Variants in SDK1 observed in about 807,000 individuals in gnomAD.
SDK1 encodes the protein protein sidekick-1.
SDK1 carries 157 observed loss-of-function variants against 245.5 expected under a neutral mutation model. That is an observed-to-expected ratio of 0.64 (90% CI 0.56 to 0.73). SDK1 has a LOEUF of 0.73. SDK1 is among the 30% of genes least tolerant of loss of function. The probability of loss-of-function intolerance (pLI) is 0.00; values close to 1 mark genes in which losing one functional copy is unlikely to be tolerated. For synonymous variants in SDK1, 1,647 were observed against 1,278.5 expected, an observed-to-expected ratio of 1.29 and a Z score of -6.15; for missense variants, 3,583 against 3,002.3, an observed-to-expected ratio of 1.19 and a Z score of -4.52.
chr7:3,302,543 G>A (rs998911997), intron 1 of SDK1: 2 of 151,932 alleles, frequency 1.3e-5, no homozygotes, highest in Admixed American at 1.3e-4. Context: ...GAATGGAAAT[G>A]ACCTTTTGAA....
intron 1 of SDK1, among the ~76,000 whole-genome samples, chr7:3,596,660 A>C (rs1781077707): frequency 6.6e-6 from 1 of 152,172 alleles, no homozygotes; most frequent in Non-Finnish European, 1.5e-5. Flanking sequence ...TCAAATAGAT[A>C]AATATTACCT....
At chr7:4,217,396 C>G (rs547966461) in intron 38 of SDK1, among the ~76,000 whole-genome samples, 2 of 141,770 alleles carry the variant, frequency 1.4e-5, no homozygotes, top group Non-Finnish European at 3.0e-5. Context: ...GAGCACCACA[C>G]CACCCGGAGC....
At position 4,264,534 on chromosome 7, in the gene SDK1, G is replaced by A. The variant is rs577149728; in HGVS notation, c.6382-590G>A. Reference sequence around the variant, plus strand: ...GGACCTCTCCTGAGTGAGGGAGGCCGCGTGGACCTCTCCTGAGTGAGGGAG... The same window carrying A: ...GGACCTCTCCTGAGTGAGGGAGGCCACGTGGACCTCTCCTGAGTGAGGGAG... On this transcript the variant is annotated intron_variant, in intron 44 of 44. Coordinates refer to ENST00000404826, the MANE Select transcript of SDK1 (RefSeq NM_152744.4). Among the ~76,000 whole-genome samples, 6 of 131,072 alleles carry A rather than the reference G, an allele frequency of 4.6e-5. No individual in the cohort carries two copies. In the South Asian group the frequency reaches 1.4e-3, roughly 30 times the overall value. The allele number at this position is 131,072 out of a possible 152,430, so 86.0% of individuals were successfully genotyped here.
intron 1 of SDK1, among the ~76,000 whole-genome samples, chr7:3,530,181 G>A (rs987817114): frequency 6.6e-6 from 1 of 152,106 alleles, no homozygotes. Context: ...AAATAGCAGT[G>A]AGTTTATTTG....
intron 2 of SDK1, among the ~76,000 whole-genome samples, chr7:3,633,973 C>T (rs945326964): frequency 6.6e-6 from 1 of 152,192 alleles, no homozygotes; most frequent in East Asian, 1.9e-4. Flanking sequence ...TGGACTAGGG[C>T]TCCACTGTGC....
intron 4 of SDK1, among the ~76,000 whole-genome samples, chr7:3,818,744 A>T (rs1047891741): frequency 6.6e-6 from 1 of 152,192 alleles, no homozygotes; most frequent in African/African-American, 2.4e-5. Flanking sequence ...GCTCTATGAG[A>T]TAATGAAGGA....
In SDK1 at chr7:4,124,778, T is replaced by C. The variant is rs139023493; in HGVS notation, c.3824-2603T>C. Reference sequence around the variant, plus strand: ...CAGACTAACTAACAGTGCTACCCTCTCAGTCTCTGTGTAATGAGGAAGTCT... The same window carrying C: ...CAGACTAACTAACAGTGCTACCCTCCCAGTCTCTGTGTAATGAGGAAGTCT... On this transcript the variant is annotated intron_variant, in intron 25 of 44. Transcript: ENST00000404826. 8.5e-5 allele frequency among the ~76,000 whole-genome samples: 13 copies of C among 152,336 alleles called. No homozygotes were observed. The East Asian group carries it at 2.3e-3, about 27-fold the overall frequency.
intron 1 of SDK1, among the ~76,000 whole-genome samples, chr7:3,361,706 G>T (rs575124368): frequency 6.6e-6 from 1 of 152,230 alleles, no homozygotes; most frequent in East Asian, 1.9e-4. Flanking sequence ...AATCACCTTT[G>T]GTCACACGAA....
At chr7:3,339,139 C>A (rs1274462016) in intron 1 of SDK1, among the ~76,000 whole-genome samples, 2 of 151,724 alleles carry the variant, frequency 1.3e-5, no homozygotes, top group Non-Finnish European at 2.9e-5. Flanking sequence ...TGAATTTAAA[C>A]AAGAGTGGCC....
In SDK1 at chr7:4,026,896, C is replaced by T. The variant is rs1787395374; in HGVS notation, c.2602+9544C>T. Among the ~76,000 whole-genome samples the T allele has an allele frequency of 2.0e-5, 3 of 152,220 alleles. No homozygotes were observed. The highest frequency in any genetic ancestry group is 4.8e-5 in the African/African-American group (2 of 41,458). ...TACCAGGTAACGAACTCACCGCTCC[C>T]TGGTTTCAAAGGCGTATACATTTAA... On this transcript the variant is annotated intron_variant, in intron 17 of 44. Coordinates refer to ENST00000404826, the MANE Select transcript of SDK1 (RefSeq NM_152744.4). This position sits in a 1 kb window ranked among gnomAD's most constrained non-coding sequence, Gnocchi z 4.1.
intron 1 of SDK1, among the ~76,000 whole-genome samples, chr7:3,562,828 A>G (rs1371019343): frequency 6.8e-6 from 1 of 147,580 alleles, no homozygotes; most frequent in African/African-American, 2.5e-5. Flanking sequence ...AGACCTTATA[A>G]AAGTTTCTAT....
In SDK1 at chr7:3,346,811, A is replaced by G. The variant is rs56245556; in HGVS notation, c.298+44927A>G. 6.5e-3 allele frequency among the ~76,000 whole-genome samples: 284 copies of G among 43,478 alleles called. 4 individuals carry two copies. The highest frequency in any genetic ancestry group is 0.023 in the South Asian group (23 of 1,020). 28.5% of individuals were successfully genotyped at this position (43,478 alleles called of 152,430 possible). A position where few individuals can be genotyped will look rare whatever the true frequency, so the allele number is the denominator to read the frequency against. On this transcript the variant is annotated intron_variant, in intron 1 of 44. Transcript: ENST00000404826. The stretch of plus-strand genomic sequence containing the variant: ...TATGTATGTGTGTGTGTGTGTGTAT[A>G]TATATATATATATATATTTTTTTTT...
chr7:3,644,773 C>CAAAAAAAA lies in SDK1; in HGVS notation c.713+2680_713+2687dup, dbSNP rs34276127. Among the ~76,000 whole-genome samples, 122 of 39,980 alleles carry CAAAAAAAA rather than the reference C, an allele frequency of 3.1e-3. 7 individuals carry two copies. Among genetic ancestry groups the CAAAAAAAA allele is most frequent in the East Asian group, 0.013 (19 of 1,432 alleles). 26.2% of individuals were successfully genotyped at this position (39,980 alleles called of 152,430 possible). A position where few individuals can be genotyped will look rare whatever the true frequency, so the allele number is the denominator to read the frequency against. On this transcript the variant is annotated intron_variant, in intron 4 of 44. Coordinates refer to ENST00000404826, the MANE Select transcript of SDK1 (RefSeq NM_152744.4). ...GGGTGACAGAGCAAGACCCTGTCTC[C>CAAAAAAAA]AAAAAAAAAAAAAAAAAAACAAAAA... is the stretch of plus-strand genomic sequence containing the variant.
chr7:3,356,528 A>G (rs11768463), intron 1 of SDK1, among the ~76,000 whole-genome samples: 91,253 of 151,950 alleles, frequency 0.6, 28,447 homozygotes, highest in African/African-American at 0.78. Context: ...TTTGCTTACC[A>G]TTGGATTTTA....
At chr7:3,981,469 A>T (rs547914791) in intron 13 of SDK1, among the ~76,000 whole-genome samples, 78 of 115,684 alleles carry the variant, frequency 6.7e-4, no homozygotes, top group African/African-American at 2.1e-3. Flanking sequence ...CAGACTGGAA[A>T]TGATGAAGCT....
chr7:3,527,317 C>G (rs539602775), intron 1 of SDK1, among the ~76,000 whole-genome samples: 1 of 152,138 alleles, frequency 6.6e-6, no homozygotes, highest in African/African-American at 2.4e-5. Context: ...GATAGAGCTG[C>G]AGAGTGTTGA....
chr7:3,677,773 G>T (rs1157678866), intron 4 of SDK1, among the ~76,000 whole-genome samples: 1 of 152,202 alleles, frequency 6.6e-6, no homozygotes, highest in Non-Finnish European at 1.5e-5. Flanking sequence ...AAACAAGACA[G>T]TGTGGTATTA....
At chr7:3,705,608 A>T (rs1199921886) in intron 4 of SDK1, among the ~76,000 whole-genome samples, 3 of 151,858 alleles carry the variant, frequency 2.0e-5, no homozygotes, top group Admixed American at 6.6e-5. Flanking sequence ...GATTTTTGTG[A>T]ACTGAAACTT....
chr7:4,105,657 G>C (rs958077959), intron 22 of SDK1, among the ~76,000 whole-genome samples: 1 of 152,178 alleles, frequency 6.6e-6, no homozygotes, highest in African/African-American at 2.4e-5. Flanking sequence ...ACTGTGCTGG[G>C]GGTACTCTGA....
Sources: gnomAD v4.1 joint callset for allele counts (sites outside exome capture counted in the v4.1 genomes callset) on GRCh38, gnomAD v4.1.1 for gene constraint, Gnocchi (gnomAD v3.1) non-coding constraint, MANE v1.5 for transcripts, NCBI Gene and HGNC (gene_info 2026-07-23, HGNC 2026-07-21) for gene names.